The following CADPS2 variants were observed in gnomAD, a reference collection of about 807,000 sequenced individuals.
CADPS2 encodes the protein calcium-dependent secretion activator 2.
In CADPS2, 93 loss-of-function variants were observed where a neutral mutation model predicts 172.5. The observed-to-expected ratio is 0.54, with a 90% CI of 0.46 to 0.64. CADPS2 has a LOEUF of 0.64. Among genes scored for constraint, CADPS2 ranks in the 30% least tolerant of loss-of-function variants. The pLI is 0.00. For missense variants in CADPS2, 1,420 were observed against 1,565.9 expected, an observed-to-expected ratio of 0.91 and a Z score of 1.57; for synonymous variants, 546 against 555.2, an observed-to-expected ratio of 0.98 and a Z score of 0.23.
At chr7:122,541,645 A>G (rs1374821908) in intron 8 of CADPS2, among the ~76,000 whole-genome samples, 1 of 145,378 alleles carries the variant, frequency 6.9e-6, no homozygotes, top group African/African-American at 2.5e-5. Flanking sequence ...ATATTCATAT[A>G]TATTCATATC....
At chr7:122,587,515 T>C (rs564984711) in intron 6 of CADPS2, among the ~76,000 whole-genome samples, 7 of 152,284 alleles carry the variant, frequency 4.6e-5, no homozygotes, top group East Asian at 3.9e-4. Flanking sequence ...CAGTCTATCA[T>C]TGATGAGCAT....
chr7:122,809,525 C>A (rs578193874), intron 1 of CADPS2, among the ~76,000 whole-genome samples: 6 of 150,024 alleles, frequency 4.0e-5, no homozygotes, highest in African/African-American at 1.5e-4. Flanking sequence ...CGTTGCAGTG[C>A]GCTGAGATCG....
intron 20 of CADPS2, among the ~76,000 whole-genome samples, chr7:122,403,394 C>T (rs1230665570): frequency 1.3e-5 from 2 of 152,040 alleles, no homozygotes; most frequent in Non-Finnish European, 2.9e-5. Context: ...CTAAAATCTG[C>T]AAATCACCAT....
chr7:122,754,458 T>C (rs1041526907), intron 1 of CADPS2, among the ~76,000 whole-genome samples: 3 of 152,148 alleles, frequency 2.0e-5, no homozygotes, highest in East Asian at 1.9e-4. Context: ...TTTGAAACTT[T>C]TGTTTTCATG....
chr7:122,480,658 T>TA (rs1364515240), intron 12 of CADPS2, among the ~76,000 whole-genome samples, 194 bp downstream of exon 12: 2 of 152,188 alleles, frequency 1.3e-5, no homozygotes, highest in Non-Finnish European at 2.9e-5. Context: ...GAATGGTAGA[T>TA]ATTAGGTTGT....
At chr7:122,708,541 A>G (rs2088035378) in intron 2 of CADPS2, among the ~76,000 whole-genome samples, 1 of 4,920 alleles carries the variant, frequency 2.0e-4, no homozygotes, top group African/African-American at 5.2e-4. Context: ...ATATATATAT[A>G]TATATATATA....
chr7:122,646,020 AAAG>A (rs955607244), intron 3 of CADPS2, among the ~76,000 whole-genome samples: 2 of 151,942 alleles, frequency 1.3e-5, no homozygotes, highest in African/African-American at 4.8e-5. Flanking sequence ...TGCTGAGATT[AAAG>A]GAGTTTATCA....
chr7:122,752,416 T>A (rs572414326), intron 1 of CADPS2, among the ~76,000 whole-genome samples: 3 of 152,318 alleles, frequency 2.0e-5, no homozygotes, highest in African/African-American at 7.2e-5. Context: ...GATAACACTG[T>A]GAAATTTGGC....
chr7:122,770,686 AG>A (rs2093682812), intron 1 of CADPS2, among the ~76,000 whole-genome samples: 1 of 152,206 alleles, frequency 6.6e-6, no homozygotes, highest in East Asian at 1.9e-4. Flanking sequence ...GAGGGCTTTA[AG>A]GAACATGGCC....
At chr7:122,423,166 C>T (rs1325685968) in intron 17 of CADPS2, among the ~76,000 whole-genome samples, 1 of 152,140 alleles carries the variant, frequency 6.6e-6, no homozygotes, top group East Asian at 1.9e-4. Context: ...ACCCTTCCTC[C>T]AGCTCTGGCC....
chr7:122,450,799 T>C (rs1586171037), intron 15 of CADPS2, among the ~76,000 whole-genome samples: 1 of 152,008 alleles, frequency 6.6e-6, no homozygotes, highest in Non-Finnish European at 1.5e-5. Flanking sequence ...CCTCCCAAAG[T>C]GTTGGGATTA....
Position 122,446,014 on chromosome 7 carries a change from T to C in CADPS2, c.2289-4439A>G, listed in dbSNP as rs2052143625. On this transcript the variant is annotated intron_variant, in intron 15 of 29. Transcript: ENST00000449022. ...CTACCTAGACCATTTGTGACAATTTTGAACATAAGAAGTGAGAGCAGACAT... is the reference window on the plus strand; with the variant it reads ...CTACCTAGACCATTTGTGACAATTTCGAACATAAGAAGTGAGAGCAGACAT... Among the ~76,000 whole-genome samples, 4 of 152,316 alleles carry C rather than the reference T, an allele frequency of 2.6e-5. No individual in the cohort carries two copies. In the South Asian group the frequency reaches 8.3e-4, roughly 32 times the overall value.
At chr7:122,490,016 G>T in intron 11 of CADPS2, 65 bp downstream of exon 11, 1 of 1,348,706 alleles carries the variant, frequency 7.4e-7, no homozygotes. Flanking sequence ...GAATACATTT[G>T]CCTCAATTTT....
chr7:122,709,005 T>C (rs969566774), intron 2 of CADPS2, among the ~76,000 whole-genome samples: 2 of 152,098 alleles, frequency 1.3e-5, no homozygotes, highest in Admixed American at 6.6e-5. Flanking sequence ...CCATTTAGAC[T>C]GGATTTTTGT....
At chr7:122,358,302 A>T (rs1328029157) in intron 27 of CADPS2, among the ~76,000 whole-genome samples, 1 of 152,072 alleles carries the variant, frequency 6.6e-6, no homozygotes, top group Non-Finnish European at 1.5e-5. Context: ...TCTTTTGCCC[A>T]TTTAAAAAGT....
chr7:122,547,888 G>T (rs62474631), intron 8 of CADPS2, among the ~76,000 whole-genome samples: 1 of 152,122 alleles, frequency 6.6e-6, no homozygotes, highest in Admixed American at 6.6e-5. Flanking sequence ...AGTAGAGCTG[G>T]CAAAGGTCTT....
intron 15 of CADPS2, 96 bp from the exon 16 acceptor site, chr7:122,441,671 C>T: frequency 2.8e-6 from 2 of 719,270 alleles, no homozygotes; most frequent in South Asian, 2.6e-5. Flanking sequence ...AATGAAGAAC[C>T]ATGAAACAAA....
intron 8 of CADPS2, among the ~76,000 whole-genome samples, chr7:122,518,294 T>C (rs2130952046): frequency 6.6e-6 from 1 of 152,222 alleles, no homozygotes; most frequent in Non-Finnish European, 1.5e-5. Flanking sequence ...TGAGAGTCAC[T>C]GTTATAAAAA....
chr7:122,484,815 T>C (rs1391973710), intron 11 of CADPS2, among the ~76,000 whole-genome samples: 2 of 152,066 alleles, frequency 1.3e-5, no homozygotes, highest in African/African-American at 2.4e-5. Context: ...TGCAGATGTG[T>C]TTTTCATAAA....
Sources: gnomAD v4.1 joint callset for allele counts (sites outside exome capture counted in the v4.1 genomes callset) on GRCh38, gnomAD v4.1.1 for gene constraint, MANE v1.5 for transcripts, NCBI Gene and HGNC (gene_info 2026-07-23, HGNC 2026-07-21) for gene names.